STPG1: variants seen among roughly 807,000 people sequenced by gnomAD.
STPG1 encodes the protein sperm tail PG-rich repeat containing 1.
STPG1 carries 33 observed loss-of-function variants against 40.1 expected under a neutral mutation model. That is an observed-to-expected ratio of 0.82 (90% confidence interval 0.62 to 1.10). The LOEUF (loss-of-function observed/expected upper bound fraction) is 1.10. STPG1 is among the 50% of genes least tolerant of loss of function. The pLI is 0.00. For synonymous variants in STPG1, 150 were observed against 155.0 expected (o/e 0.97, Z 0.24); for missense variants, 396 against 415.1 (o/e 0.95, Z 0.40).
intron 1 of STPG1, among the ~76,000 whole-genome samples, chr1:24,405,732 T>C (rs1186917108): frequency 6.6e-6 from 1 of 152,228 alleles, no homozygotes; most frequent in Non-Finnish European, 1.5e-5. Context: ...ATAATTTTTA[T>C]GTCTTTTTGG....
At chr1:24,396,444 G>A (rs1188652152) in intron 2 of STPG1, among the ~76,000 whole-genome samples, 2 of 152,042 alleles carry the variant, frequency 1.3e-5, no homozygotes, top group South Asian at 2.1e-4. Flanking sequence ...CAAAGTTCTG[G>A]GATTGCAAGT....
At chr1:24,382,150 C>T (rs576953655) in intron 4 of STPG1, among the ~76,000 whole-genome samples, 2 of 152,336 alleles carry the variant, frequency 1.3e-5, no homozygotes, top group East Asian at 3.9e-4. Context: ...CCTTGGGCCC[C>T]TTCTCCTCCA....
chr1:24,384,436 C>T (rs1642418170), intron 3 of STPG1, among the ~76,000 whole-genome samples: 2 of 152,184 alleles, frequency 1.3e-5, no homozygotes, highest in Admixed American at 6.5e-5. Context: ...TCCTCCTCAG[C>T]CTTTCAGAAG....
intron 7 of STPG1, chr1:24,364,078 C>A: frequency 7.1e-7 from 1 of 1,415,608 alleles, no homozygotes. Context: ...CCCAACACAA[C>A]ACAGTTCAGC....
At chr1:24,391,917 A>G in intron 2 of STPG1, 1 of 1,242,708 alleles carries the variant, frequency 8.0e-7, no homozygotes, top group East Asian at 4.1e-5. Context: ...GTGGTCACAT[A>G]AAGTACCTTA....
At position 24,401,634 on chromosome 1, in the gene STPG1, C is replaced by G. The variant is rs538955647; in HGVS notation, c.-68-178G>C. ...GTGCTGGTGCTGCCTGCAGTAGGAA[C>G]TGCGTAAGAAGTCACTGTTGATGTT... On this transcript the variant is annotated intron_variant, in intron 1 of 8. Transcript: ENST00000337248. Among the ~76,000 whole-genome samples, 3 of 152,336 alleles carry G rather than the reference C, an allele frequency of 2.0e-5. No homozygotes were observed. In the South Asian group the frequency reaches 6.2e-4, roughly 32 times the overall value.
rs574188888 is a variant in STPG1 at position 24,369,762 on chromosome 1, G to C, written c.649C>G (p.Arg217Gly). Residue 217 changes from arginine to glycine, a missense_variant, in exon 7 of 9, where the codon CGT becomes GGT. Coordinates refer to ENST00000337248, the MANE Select transcript of STPG1 (RefSeq NM_001199013.2). ...CCTGTTGACGTCAGTTTTAATCCAC[G>C]GTTGGTTTTTGATTTAAAACAAGAC... is the stretch of plus-strand genomic sequence containing the variant. ...LMSCFKSKTN[R>G]GLKLTSTGPG... 1 of 1,613,058 alleles carries C rather than the reference G, an allele frequency of 6.2e-7. No homozygotes were observed. The highest frequency in any genetic ancestry group is 8.5e-7 in the Non-Finnish European group (1 of 1,179,262).
chr1:24,411,015 T>C (rs763356649), intron 1 of STPG1, among the ~76,000 whole-genome samples: 5 of 152,182 alleles, frequency 3.3e-5, no homozygotes, highest in Non-Finnish European at 7.3e-5. Context: ...CTGGGAGTGA[T>C]AACAGTACCT....
chr1:24,381,040 A>G (rs1329959368), intron 4 of STPG1, among the ~76,000 whole-genome samples: 3 of 152,134 alleles, frequency 2.0e-5, no homozygotes, highest in Non-Finnish European at 4.4e-5. Context: ...GACAACCCTG[A>G]GCAGTGGATC....
intron 7 of STPG1, chr1:24,364,230 T>C (rs1182521612): frequency 1.3e-6 from 2 of 1,545,014 alleles, no homozygotes; most frequent in African/African-American, 1.4e-5. Flanking sequence ...ACCCCCCACC[T>C]GACTGTCTTG....
chr1:24,366,963 T>C (rs1195332222), intron 7 of STPG1, among the ~76,000 whole-genome samples: 3 of 152,228 alleles, frequency 2.0e-5, no homozygotes, highest in Non-Finnish European at 2.9e-5. Context: ...AGGGTTACGA[T>C]GCAGTGCTTC....
At chr1:24,407,197 T>A (rs890258190) in intron 1 of STPG1, among the ~76,000 whole-genome samples, 1 of 152,208 alleles carries the variant, frequency 6.6e-6, no homozygotes, top group African/African-American at 2.4e-5. Context: ...ATGTCTTTAA[T>A]ATTTGGGTTT....
At chr1:24,403,839 G>GTAGCT (rs762412480) in intron 1 of STPG1, among the ~76,000 whole-genome samples, 11 of 151,804 alleles carry the variant, frequency 7.2e-5, no homozygotes, top group Admixed American at 5.2e-4. Flanking sequence ...TTCAGTTCTA[G>GTAGCT]TAGCTTTTTT....
chr1:24,365,148 G>T lies in STPG1; in HGVS notation c.738-4107C>A, dbSNP rs1162136899. Reference sequence around the variant, plus strand: ...GGGAAGAAGCATCCCATATCTAATTGAAAATCCCAGGGGAAGTTAGGGTGG... The same window carrying T: ...GGGAAGAAGCATCCCATATCTAATTTAAAATCCCAGGGGAAGTTAGGGTGG... On this transcript the variant is annotated intron_variant, in intron 7 of 8. Coordinates refer to ENST00000337248, the MANE Select transcript of STPG1 (RefSeq NM_001199013.2). Among the ~76,000 whole-genome samples, 3 of 152,144 alleles carry T rather than the reference G, an allele frequency of 2.0e-5. No homozygotes were observed. The East Asian group carries it at 5.8e-4, about 29-fold the overall frequency.
intron 7 of STPG1, among the ~76,000 whole-genome samples, chr1:24,367,953 C>A (rs554896588): frequency 2.0e-5 from 3 of 152,282 alleles, no homozygotes; most frequent in African/African-American, 7.2e-5. Flanking sequence ...GGGATTCATA[C>A]TCTGGTCGGC....
intron 1 of STPG1, among the ~76,000 whole-genome samples, chr1:24,412,506 TG>T (rs1643738956): frequency 6.6e-6 from 1 of 152,202 alleles, no homozygotes; most frequent in African/African-American, 2.4e-5. Flanking sequence ...TATTTGTTTA[TG>T]ATCTTCCCCA....
At chr1:24,390,871 T>C (rs1350305316) in intron 3 of STPG1, among the ~76,000 whole-genome samples, 3 of 121,260 alleles carry the variant, frequency 2.5e-5, no homozygotes, top group Non-Finnish European at 5.0e-5. Flanking sequence ...GCTATCTTGG[T>C]TCAATGCAGC....
chr1:24,364,423 G>A (rs1280366421), intron 7 of STPG1: 2 of 1,478,658 alleles, frequency 1.4e-6, no homozygotes, highest in Non-Finnish European at 1.8e-6. Context: ...ACATCTGAGA[G>A]CTCTCAGCTC....
At chr1:24,381,985 G>C (rs1030631355) in intron 4 of STPG1, among the ~76,000 whole-genome samples, 4 of 152,212 alleles carry the variant, frequency 2.6e-5, no homozygotes, top group Non-Finnish European at 4.4e-5. Flanking sequence ...GCTTATACCT[G>C]AGTGTAACAT....
Sources: allele counts gnomAD v4.1 joint callset (sites outside exome capture counted in the v4.1 genomes callset), GRCh38; gene constraint gnomAD v4.1.1; transcripts MANE v1.5; gene names NCBI Gene and HGNC (gene_info 2026-07-23, HGNC 2026-07-21).